SAFB2: variants seen among roughly 807,000 people sequenced by gnomAD.
The protein encoded by SAFB2 is scaffold attachment factor B2.
A neutral mutation model predicts 100.6 loss-of-function variants in SAFB2; 32 were observed. That is an observed-to-expected ratio of 0.32 (90% CI 0.24 to 0.43). The LOEUF (loss-of-function observed/expected upper bound fraction) is 0.43. Ranked by LOEUF, SAFB2 falls within the 20% of genes least tolerant of loss-of-function variation. The pLI, the probability that SAFB2 is intolerant of heterozygous loss-of-function variation, is 1.00. For synonymous variants in SAFB2, 500 were observed against 439.4 expected (o/e 1.14, Z -1.72); for missense variants, 1,185 against 1,163.4 (o/e 1.02, Z -0.27).
At chr19:5,600,007 T>C (rs1266233736) in intron 12 of SAFB2, 123 bp downstream of exon 12, 1 of 971,008 alleles carries the variant, frequency 1.0e-6, no homozygotes, top group Non-Finnish European at 1.6e-6. Context: ...TCTTTAACAC[T>C]GCCATATGAA....
Position 5,604,843 on chromosome 19 carries a change from A to C in SAFB2, c.1390T>G (p.Cys464Gly). Reference sequence around the variant, plus strand: ...TCAGTTCTGTGGAGATGGCTGATGCACTTGGTCGCCTCGTCAGATGTCGAC... The same window carrying C: ...TCAGTTCTGTGGAGATGGCTGATGCCCTTGGTCGCCTCGTCAGATGTCGAC... ...TMSTSDEATK[C>G]ISHLHRTELH... Residue 464 changes from cysteine to glycine, a missense_variant, in exon 10 of 21, where the codon TGC becomes GGC. Cys to Gly is a radical substitution (Grantham distance 159, BLOSUM62 -3). Coordinates refer to ENST00000252542, the MANE Select transcript of SAFB2 (RefSeq NM_014649.3). 7 of 1,614,172 alleles carry C rather than the reference A, an allele frequency of 4.3e-6. No individual in the cohort carries two copies. The highest frequency in any genetic ancestry group is 5.9e-6 in the Non-Finnish European group (7 of 1,180,026).
At chr19:5,616,064 G>T in intron 4 of SAFB2, 68 bp downstream of exon 4, 3 of 1,451,608 alleles carry the variant, frequency 2.1e-6, no homozygotes, top group South Asian at 1.2e-5. Flanking sequence ...TCCCTCACAC[G>T]AGCAGCACGC....
chr19:5,622,710 C>T lies in SAFB2; in HGVS notation c.6G>A (p.Ala2=), dbSNP rs376482272. Residue 2 remains alanine, a synonymous_variant, in exon 1 of 21, where the codon GCG becomes GCA. Coordinates refer to ENST00000252542, the MANE Select transcript of SAFB2 (RefSeq NM_014649.3). M[A]ETLPGSGDSG... ...AGTCGCCCGACCCGGGCAGAGTCTC[C>T]GCCATCGTCGCGTTCCCGTCTTCGC... 2.4e-5 allele frequency: 38 copies of T among 1,600,002 alleles called. No individual in the cohort carries two copies. The highest frequency in any genetic ancestry group is 3.1e-5 in the Non-Finnish European group (37 of 1,176,824).
chr19:5,600,090 A>C (rs2052622615), intron 12 of SAFB2, 40 bp downstream of exon 12: 1 of 1,592,320 alleles, frequency 6.3e-7, no homozygotes, highest in Non-Finnish European at 8.5e-7. Context: ...CACCCGTGCC[A>C]GGCCTTCCCC....
At chr19:5,599,475 G>T (rs1350461658) in intron 12 of SAFB2, among the ~76,000 whole-genome samples, 1 of 152,202 alleles carries the variant, frequency 6.6e-6, no homozygotes, top group Non-Finnish European at 1.5e-5. Context: ...GAGACTCAGG[G>T]TAAATTAGCC....
At chr19:5,595,338 C>T in intron 14 of SAFB2, 23 bp downstream of exon 14, 2 of 1,603,176 alleles carry the variant, frequency 1.2e-6, no homozygotes. Context: ...CACCAGCCCA[C>T]AGCCTCACCC....
At chr19:5,592,215 C>A (rs542570917) in intron 16 of SAFB2, among the ~76,000 whole-genome samples, 4 of 152,286 alleles carry the variant, frequency 2.6e-5, no homozygotes, top group African/African-American at 9.6e-5. Flanking sequence ...ACTGAAGGAG[C>A]CAATGAATGG....
rs117274301 is a variant in SAFB2, at chr19:5,616,020, A to G, written c.543+112T>C. 9,456 of 947,272 alleles carry G rather than the reference A, an allele frequency of 1.0e-2. 73 individuals are homozygous for G. Among genetic ancestry groups the G allele is most frequent in the Admixed American group, 0.019 (935 of 50,322 alleles). 58.7% of individuals were successfully genotyped at this position (947,272 alleles called of 1,614,324 possible). A position where few individuals can be genotyped will look rare whatever the true frequency, so the allele number is the denominator to read the frequency against. On this transcript the variant is annotated intron_variant, in intron 4 of 20. Coordinates refer to ENST00000252542, the MANE Select transcript of SAFB2 (RefSeq NM_014649.3). The stretch of plus-strand genomic sequence containing the variant: ...TGGTTTAACACCAGGGTGTAGAAGC[A>G]GAACTGTGTGTTCATGGCGGTTTAG...
Position 5,590,299 on chromosome 19 carries a change from C to T in SAFB2, c.2504G>A (p.Arg835Gln), listed in dbSNP as rs745409067. 1.1e-5 allele frequency: 18 copies of T among 1,602,716 alleles called. No homozygotes were observed. The highest frequency in any genetic ancestry group is 1.1e-5 in the South Asian group (1 of 88,830). ...TAACCTGGGGGGAGGGGGCAGCCCC[C>T]GGCCTTCACTCAGCCTCTTGTCGGA... is the stretch of plus-strand genomic sequence containing the variant. ...YGSDKRLSEG[R>Q]GLPPPPRGGR... is the part of the protein sequence containing the mutation. The change falls in exon 18 of 21, where the codon CGG becomes CAG. Residue 835 changes from arginine to glutamine, a missense_variant. Physicochemically the swap from Arg to Gln is conservative, Grantham distance 43. Coordinates refer to ENST00000252542, the MANE Select transcript of SAFB2 (RefSeq NM_014649.3).
intron 9 of SAFB2, among the ~76,000 whole-genome samples, chr19:5,606,065 C>T (rs1222428524): frequency 1.3e-5 from 2 of 152,206 alleles, no homozygotes; most frequent in East Asian, 3.9e-4. Context: ...GGAACAACCA[C>T]TGGAGGGGCA....
chr19:5,614,645 A>C (rs1020509381), intron 4 of SAFB2, among the ~76,000 whole-genome samples: 4 of 152,354 alleles, frequency 2.6e-5, no homozygotes, highest in Non-Finnish European at 5.9e-5. Context: ...GCAATGCCTT[A>C]AGGAAACAAA....
chr19:5,589,179 C>T (rs2052332952), intron 18 of SAFB2, among the ~76,000 whole-genome samples: 1 of 152,206 alleles, frequency 6.6e-6, no homozygotes, highest in Non-Finnish European at 1.5e-5. Context: ...CCGATGGCGC[C>T]CAGCCGCTGC....
At chr19:5,588,018 G>T (rs1204999490) in intron 18 of SAFB2, 38 bp from the exon 19 acceptor site, 1 of 1,575,418 alleles carries the variant, frequency 6.3e-7, no homozygotes, top group African/African-American at 1.4e-5. Flanking sequence ...CATCTAATGA[G>T]CCTCCAGGGT....
chr19:5,595,206 G>T (rs750512815), intron 14 of SAFB2, among the ~76,000 whole-genome samples, 155 bp downstream of exon 14: 1 of 152,038 alleles, frequency 6.6e-6, no homozygotes, highest in African/African-American at 2.4e-5. Flanking sequence ...AACAGGTGCT[G>T]GCCCCTGCCT....
chr19:5,592,900 A>G lies in SAFB2; in HGVS notation c.2208-13T>C. The G allele has an allele frequency of 1.2e-6, 2 of 1,613,220 alleles. No homozygotes were observed. The highest frequency in any genetic ancestry group is 2.7e-5 in the African/African-American group (2 of 75,000). The stretch of plus-strand genomic sequence containing the variant: ...GGCATCATCTCGTCTGTTGGTTTTT[A>G]TTTTAAAAGAATACAAATTCCATTA... On this transcript the variant is annotated splice_polypyrimidine_tract_variant and intron_variant, in intron 15 of 20. Transcript: ENST00000252542.
At position 5,621,319 on chromosome 19, in the gene SAFB2, T is replaced by C; in HGVS notation, c.264A>G (p.Arg88=). The C allele has an allele frequency of 6.2e-7, 1 of 1,610,222 alleles. No individual in the cohort carries two copies. The highest frequency in any genetic ancestry group is 8.5e-7 in the Non-Finnish European group (1 of 1,176,466). ...GCATATGTACAATACCTTTAACACA[T>C]CTCTTGGCTGACTTCTTGCTGGTGG... ...LEATSKKSAK[R]CVKGLKMEEE... Residue 88 remains arginine (R), a synonymous_variant, in exon 2 of 21, where the codon AGA becomes AGG. Transcript: ENST00000252542.
intron 4 of SAFB2, among the ~76,000 whole-genome samples, chr19:5,615,773 T>C (rs1024372945): frequency 2.6e-5 from 4 of 152,214 alleles, no homozygotes; most frequent in Admixed American, 1.3e-4. Context: ...CACTGTGGCC[T>C]GTGCCAATAA....
intron 18 of SAFB2, among the ~76,000 whole-genome samples, chr19:5,588,748 T>C (rs1384035354): frequency 1.3e-5 from 2 of 152,016 alleles, no homozygotes; most frequent in African/African-American, 2.4e-5. Context: ...AGGGGCAGGG[T>C]TTCTTTTGAC....
intron 13 of SAFB2, among the ~76,000 whole-genome samples, chr19:5,597,663 TG>T (rs1322286398): frequency 6.6e-6 from 1 of 152,184 alleles, no homozygotes; most frequent in Non-Finnish European, 1.5e-5. Flanking sequence ...GCTGACCAGA[TG>T]TTCTAATCAT....
Sources: allele counts gnomAD v4.1 joint callset (sites outside exome capture counted in the v4.1 genomes callset), GRCh38; gene constraint gnomAD v4.1.1; transcripts MANE v1.5; gene names NCBI Gene and HGNC (gene_info 2026-07-23, HGNC 2026-07-21).